Variants in OPCML observed in about 807,000 individuals in gnomAD.
OPCML encodes the protein opioid-binding protein/cell adhesion molecule.
A neutral mutation model predicts 37.8 loss-of-function variants in OPCML; 13 were observed. That is an observed-to-expected ratio of 0.34 (90% confidence interval 0.22 to 0.55). The LOEUF (loss-of-function observed/expected upper bound fraction) is 0.55, where lower values mean the gene tolerates loss of function less well. OPCML is among the 20% of genes least tolerant of loss of function. OPCML has a pLI of 0.91. For synonymous variants in OPCML, 176 were observed against 168.8 expected, an observed-to-expected ratio of 1.04 and a Z score of -0.33; for missense variants, 341 against 435.6, an observed-to-expected ratio of 0.78 and a Z score of 1.93.
At chr11:132,714,166 T>G (rs965135226) in intron 2 of OPCML, among the ~76,000 whole-genome samples, 1 of 152,200 alleles carries the variant, frequency 6.6e-6, no homozygotes, top group African/African-American at 2.4e-5. Flanking sequence ...AGCAAAATAC[T>G]CTCTGCCTCT....
chr11:132,576,389 T>C (rs893398737), intron 3 of OPCML, among the ~76,000 whole-genome samples: 10 of 152,062 alleles, frequency 6.6e-5, no homozygotes, highest in Non-Finnish European at 1.0e-4. Flanking sequence ...GCAAATCCTT[T>C]TTTTTTTCTG....
chr11:132,802,593 A>C (rs1265345039), intron 2 of OPCML, among the ~76,000 whole-genome samples: 1 of 149,198 alleles, frequency 6.7e-6, no homozygotes, highest in Non-Finnish European at 1.5e-5. Flanking sequence ...TTCTGAACAT[A>C]ACAAATACCA....
At chr11:132,942,885 C>T (rs1261115147) in intron 2 of OPCML, 41 bp downstream of exon 2, 1 of 1,456,866 alleles carries the variant, frequency 6.9e-7, no homozygotes, top group Non-Finnish European at 9.4e-7. Flanking sequence ...CCAGCGACCA[C>T]AGCCCAGGGG....
At chr11:133,020,577 C>G (rs1947432041) in intron 1 of OPCML, among the ~76,000 whole-genome samples, 1 of 152,154 alleles carries the variant, frequency 6.6e-6, no homozygotes. Flanking sequence ...GCAGAGCAGG[C>G]AGCTGGGATC....
chr11:132,781,156 C>T (rs192007874), intron 2 of OPCML, among the ~76,000 whole-genome samples: 2 of 152,062 alleles, frequency 1.3e-5, no homozygotes, highest in Non-Finnish European at 2.9e-5. Context: ...GAGGCCACAG[C>T]GTGCCCAGAC....
At chr11:132,570,802 T>G (rs1456590696) in intron 3 of OPCML, among the ~76,000 whole-genome samples, 135 of 82,160 alleles carry the variant, frequency 1.6e-3, no homozygotes, top group Non-Finnish European at 2.2e-3. Flanking sequence ...TATATATATA[T>G]TTAGAGAGAG....
At chr11:132,688,255 A>G (rs1159118694) in intron 2 of OPCML, among the ~76,000 whole-genome samples, 1 of 152,138 alleles carries the variant, frequency 6.6e-6, no homozygotes, top group Admixed American at 6.5e-5. Flanking sequence ...AACACAACAT[A>G]TTCTTCGCAA....
intron 1 of OPCML, among the ~76,000 whole-genome samples, chr11:132,969,700 C>T (rs1431314170): frequency 6.6e-6 from 1 of 151,930 alleles, no homozygotes; most frequent in Non-Finnish European, 1.5e-5. Flanking sequence ...TTACTGAGCC[C>T]CTCTCATAAT....
intron 1 of OPCML, among the ~76,000 whole-genome samples, chr11:133,286,901 T>C (rs1942314662): frequency 6.6e-6 from 1 of 152,190 alleles, no homozygotes; most frequent in African/African-American, 2.4e-5. Context: ...AGAGGAAGTT[T>C]GGATGATTTA....
At chr11:133,042,942 A>G (rs1240428155) in intron 1 of OPCML, among the ~76,000 whole-genome samples, 5 of 152,146 alleles carry the variant, frequency 3.3e-5, no homozygotes, top group Admixed American at 6.5e-5. Context: ...AGATTAGCAG[A>G]GAAAAGGGTC....
chr11:133,096,006 CATAAAG>C (rs1948996402), intron 1 of OPCML, among the ~76,000 whole-genome samples: 1 of 151,846 alleles, frequency 6.6e-6, no homozygotes, highest in Non-Finnish European at 1.5e-5. Context: ...CTCAGATCTA[CATAAAG>C]GAAGTGCACT....
chr11:132,794,523 T>C (rs1287878794), intron 2 of OPCML, among the ~76,000 whole-genome samples: 2 of 152,170 alleles, frequency 1.3e-5, no homozygotes, highest in Non-Finnish European at 2.9e-5. Context: ...CACTGGAAGA[T>C]AATGGGACCA....
At chr11:133,225,410 C>T (rs1232800042) in intron 1 of OPCML, among the ~76,000 whole-genome samples, 2 of 152,214 alleles carry the variant, frequency 1.3e-5, no homozygotes, top group Non-Finnish European at 2.9e-5. Context: ...GGGCAACCCT[C>T]GGCCCGTGAC....
At chr11:132,477,950 T>C (rs1030520883) in intron 4 of OPCML, among the ~76,000 whole-genome samples, 3 of 152,212 alleles carry the variant, frequency 2.0e-5, no homozygotes, top group Non-Finnish European at 4.4e-5. Flanking sequence ...TGTATGCATA[T>C]ATTTCTGAGA....
chr11:132,680,218 T>C (rs1591716531), intron 2 of OPCML, among the ~76,000 whole-genome samples: 2 of 152,140 alleles, frequency 1.3e-5, no homozygotes, highest in African/African-American at 4.8e-5. Context: ...GGACATCTGC[T>C]TTAATAACCC....
chr11:133,182,247 T>C (rs1440779008), intron 1 of OPCML, among the ~76,000 whole-genome samples: 7 of 152,244 alleles, frequency 4.6e-5, no homozygotes, highest in Non-Finnish European at 8.8e-5. Flanking sequence ...GGCTAATCTC[T>C]TGTAGCTGAA....
At chr11:132,564,660 T>A (rs192355498) in intron 3 of OPCML, among the ~76,000 whole-genome samples, 91 of 152,304 alleles carry the variant, frequency 6.0e-4, no homozygotes, top group Admixed American at 2.4e-3. Flanking sequence ...TGTGAAGGCA[T>A]TCATTTACAC....
chr11:132,546,562 C>T (rs765199093), intron 3 of OPCML, among the ~76,000 whole-genome samples: 2 of 152,162 alleles, frequency 1.3e-5, no homozygotes, highest in Non-Finnish European at 2.9e-5. Flanking sequence ...CATCTTTCCA[C>T]ATATGTCAAT....
rs1198873047 is a variant in OPCML, at chr11:132,723,283, A to C, written c.147-65964T>G. Among the ~76,000 whole-genome samples the C allele has an allele frequency of 3.3e-5, 5 of 152,358 alleles. No individual in the cohort carries two copies. In the South Asian group the frequency reaches 8.3e-4, roughly 25 times the overall value. ...TCCTCAATAGTATTTTTAAGCATTC[A>C]TATGGTGTGTTCTTGCATAACTTCA... is the stretch of plus-strand genomic sequence containing the variant. On this transcript the variant is annotated intron_variant, in intron 2 of 7. Transcript: ENST00000524381.
Sources: allele counts gnomAD v4.1 joint callset (sites outside exome capture counted in the v4.1 genomes callset), GRCh38; gene constraint gnomAD v4.1.1; transcripts MANE v1.5; gene names NCBI Gene and HGNC (gene_info 2026-07-23, HGNC 2026-07-21).